The following EMC8 variants were observed in gnomAD, a reference collection of about 807,000 sequenced individuals.
EMC8 encodes COX4 neighbor.
EMC8 carries 11 observed loss-of-function variants against 24.3 expected under a neutral mutation model. The observed-to-expected ratio is 0.45, with a 90% CI of 0.28 to 0.75. EMC8 has a LOEUF of 0.75. Ranked by LOEUF, EMC8 falls within the 30% of genes least tolerant of loss-of-function variation. The pLI, the probability that EMC8 is intolerant of heterozygous loss-of-function variation, is 0.12. For missense variants in EMC8, 277 were observed against 282.7 expected (o/e 0.98, Z 0.14); for synonymous variants, 145 against 117.7 (o/e 1.23, Z -1.50).
In EMC8 at chr16:85,799,487, C is replaced by T. The variant is rs1009822257; in HGVS notation, c.-192G>A. On this transcript the variant is annotated 5_prime_UTR_variant, in exon 1 of 5. Coordinates refer to ENST00000253457, the MANE Select transcript of EMC8 (RefSeq NM_006067.5). The surrounding 1 kb of genome is among the most constrained non-coding windows in gnomAD (Gnocchi z 4.2). ...GCTCCTGGAAAAGCGACTCGCGCCT[C>T]TGGGAAGCCGCAGCCCCAGACTCCA... The T allele has an allele frequency of 2.5e-6, 1 of 400,984 alleles. No individual in the cohort carries two copies. 24.8% of individuals were successfully genotyped at this position (400,984 alleles called of 1,614,324 possible).
chr16:85,798,957 G>A lies in EMC8; in HGVS notation c.231+108C>T, dbSNP rs576079415. 64 of 728,900 alleles carry A rather than the reference G, an allele frequency of 8.8e-5. No homozygotes were observed. The African/African-American group carries it at 1.0e-3, about 11-fold the overall frequency. 45.2% of individuals were successfully genotyped at this position (728,900 alleles called of 1,614,324 possible). A position where few individuals can be genotyped will look rare whatever the true frequency, so the allele number is the denominator to read the frequency against. ...TTCCTGGCCACGGCAACCCTAGGGA[G>A]CGGGTCCTAGGAGCCTGCTGGAGGG... On this transcript the variant is annotated intron_variant, in intron 1 of 4. Coordinates refer to ENST00000253457, the MANE Select transcript of EMC8 (RefSeq NM_006067.5).
In EMC8 at chr16:85,779,138, G is replaced by C. The variant is rs1439239246; in HGVS notation, c.*570C>G. The C allele has an allele frequency of 1.3e-5, 2 of 152,292 alleles. No individual in the cohort carries two copies. Among genetic ancestry groups the C allele is most frequent in the Non-Finnish European group, 2.9e-5 (2 of 68,182 alleles). The allele number at this position is 152,292 out of a possible 1,614,324, so 9.4% of individuals were successfully genotyped here. The stretch of plus-strand genomic sequence containing the variant: ...CGCTGGGCAGAGTTGCGGTGGCTCT[G>C]TGAGCCGACACCATGTGGAGCAGTG... On this transcript the variant is annotated 3_prime_UTR_variant, in exon 5 of 5. Coordinates refer to ENST00000253457, the MANE Select transcript of EMC8 (RefSeq NM_006067.5).
At chr16:85,783,625 A>G (rs1189612000) in intron 2 of EMC8, among the ~76,000 whole-genome samples, 2 of 152,228 alleles carry the variant, frequency 1.3e-5, no homozygotes, top group Non-Finnish European at 2.9e-5. Context: ...GGCCTTCGTT[A>G]CGGTGAACTG....
chr16:85,790,740 T>C (rs147639141), intron 1 of EMC8, among the ~76,000 whole-genome samples: 39 of 152,312 alleles, frequency 2.6e-4, no homozygotes, highest in African/African-American at 8.7e-4. Context: ...TGCTCTCCAG[T>C]GTAGCCTGCC....
intron 2 of EMC8, chr16:85,788,751 T>G: frequency 1.8e-6 from 1 of 564,466 alleles, no homozygotes; most frequent in Non-Finnish European, 3.1e-6. Flanking sequence ...TCATGCAAAA[T>G]AAAGAAGACA....
chr16:85,779,631 T>C lies in EMC8; in HGVS notation c.*77A>G. The stretch of plus-strand genomic sequence containing the variant: ...AGCTTTCCACACAGGCTACAAGATA[T>C]TTTATTTACATTTAAAAATAGGTTT... On this transcript the variant is annotated 3_prime_UTR_variant, in exon 5 of 5. Transcript: ENST00000253457. 6.8e-7 allele frequency: 1 copy of C among 1,477,172 alleles called. No individual in the cohort carries two copies. The highest frequency in any genetic ancestry group is 9.4e-7 in the Non-Finnish European group (1 of 1,062,198). The allele number at this position is 1,477,172 out of a possible 1,614,324, so 91.5% of individuals were successfully genotyped here.
At chr16:85,789,324 G>A (rs1167058394) in intron 1 of EMC8, among the ~76,000 whole-genome samples, 1 of 152,118 alleles carries the variant, frequency 6.6e-6, no homozygotes, top group Non-Finnish European at 1.5e-5. Context: ...AGAGTCAGAG[G>A]GAAGATGACC....
intron 1 of EMC8, among the ~76,000 whole-genome samples, chr16:85,793,953 GA>G (rs1182937296): frequency 6.6e-6 from 1 of 151,784 alleles, no homozygotes; most frequent in Non-Finnish European, 1.5e-5. Flanking sequence ...CAAATGCAAG[GA>G]TTTTTTTAAT....
chr16:85,778,915 G>C lies in EMC8; in HGVS notation c.*793C>G, dbSNP rs1363000751. 2.0e-5 allele frequency: 3 copies of C among 152,222 alleles called. No individual in the cohort carries two copies. The highest frequency in any genetic ancestry group is 7.2e-5 in the African/African-American group (3 of 41,458). 9.4% of individuals were successfully genotyped at this position (152,222 alleles called of 1,614,324 possible). A position where few individuals can be genotyped will look rare whatever the true frequency, so the allele number is the denominator to read the frequency against. Reference sequence around the variant, plus strand: ...AAATGTTCTAAGTATAAAAAGTACAGACGTCACTCTGCACAACTCGGGAAG... The same window carrying C: ...AAATGTTCTAAGTATAAAAAGTACACACGTCACTCTGCACAACTCGGGAAG... On this transcript the variant is annotated 3_prime_UTR_variant, in exon 5 of 5. Transcript: ENST00000253457.
intron 1 of EMC8, among the ~76,000 whole-genome samples, chr16:85,795,333 C>T (rs1415490783): frequency 6.6e-6 from 1 of 152,186 alleles, no homozygotes. Flanking sequence ...ACTCCTCCTC[C>T]ACTCAACCCA....
rs1905483616 is a variant in EMC8 at position 85,799,469 on chromosome 16, G to A, written c.-174C>T. The stretch of plus-strand genomic sequence containing the variant: ...GGCCCCGTTTGGGCCTCGGCTCCTG[G>A]AAAAGCGACTCGCGCCTCTGGGAAG... On this transcript the variant is annotated 5_prime_UTR_variant, in exon 1 of 5. Coordinates refer to ENST00000253457, the MANE Select transcript of EMC8 (RefSeq NM_006067.5). The surrounding 1 kb of genome is among the most constrained non-coding windows in gnomAD (Gnocchi z 4.2). 1 of 381,886 alleles carries A rather than the reference G, an allele frequency of 2.6e-6. No individual in the cohort carries two copies. Among genetic ancestry groups the A allele is most frequent in the Non-Finnish European group, 4.6e-6 (1 of 218,842 alleles). The allele number at this position is 381,886 out of a possible 1,614,324, so 23.7% of individuals were successfully genotyped here.
At chr16:85,785,648 T>C (rs550015298) in intron 2 of EMC8, among the ~76,000 whole-genome samples, 3 of 152,328 alleles carry the variant, frequency 2.0e-5, no homozygotes, top group African/African-American at 7.2e-5. Flanking sequence ...CAACTTTGCA[T>C]TTCTCTGTCT....
intron 2 of EMC8, among the ~76,000 whole-genome samples, chr16:85,783,804 A>G (rs1362217680): frequency 6.6e-6 from 1 of 152,070 alleles, no homozygotes; most frequent in Admixed American, 6.6e-5. Context: ...TGCCCAGAAG[A>G]CATGCCACCC....
chr16:85,788,652 C>A (rs1904864564), intron 2 of EMC8, among the ~76,000 whole-genome samples: 1 of 152,180 alleles, frequency 6.6e-6, no homozygotes, highest in African/African-American at 2.4e-5. Flanking sequence ...TGCCCAACAC[C>A]ACCCCTAGTC....
intron 1 of EMC8, among the ~76,000 whole-genome samples, chr16:85,798,114 G>GTTTTTTTTTTTTTTTTTTTTTTTTTTT (rs1163747067): frequency 2.8e-5 from 2 of 72,152 alleles, no homozygotes; most frequent in African/African-American, 6.0e-5. Flanking sequence ...ACAGAAATTC[G>GTTTTTTTTTTTTTTTTTTTTTTTTTTT]TTTTTTTTTT....
chr16:85,779,702 G>A lies in EMC8; in HGVS notation c.*6C>T, dbSNP rs1904398705. 13 of 1,613,820 alleles carry A rather than the reference G, an allele frequency of 8.1e-6. No homozygotes were observed. The highest frequency in any genetic ancestry group is 1.0e-5 in the Non-Finnish European group (12 of 1,179,696). On this transcript the variant is annotated 3_prime_UTR_variant, in exon 5 of 5. Transcript: ENST00000253457. Reference sequence around the variant, plus strand: ...AGGCCCGGAGCCCAGTCACAGCGGTGCCTGCCTAGCACAAGTGTAGGACAG... The same window carrying A: ...AGGCCCGGAGCCCAGTCACAGCGGTACCTGCCTAGCACAAGTGTAGGACAG...
intron 2 of EMC8, among the ~76,000 whole-genome samples, chr16:85,782,920 G>A (rs1473025842): frequency 6.6e-6 from 1 of 152,030 alleles, no homozygotes; most frequent in African/African-American, 2.4e-5. Flanking sequence ...ATTTCCTTCA[G>A]TCTCTCACCT....
chr16:85,793,295 G>C (rs930508102), intron 1 of EMC8, among the ~76,000 whole-genome samples: 2 of 152,214 alleles, frequency 1.3e-5, no homozygotes, highest in African/African-American at 4.8e-5. Context: ...ACAAGATGAG[G>C]GTAACCTGCT....
intron 2 of EMC8, among the ~76,000 whole-genome samples, chr16:85,785,250 A>C (rs1425811144): frequency 6.6e-6 from 1 of 152,172 alleles, no homozygotes; most frequent in Non-Finnish European, 1.5e-5. Flanking sequence ...GCTGGCCTAA[A>C]ATTTATTATT....
Sources: gnomAD v4.1 joint callset for allele counts (sites outside exome capture counted in the v4.1 genomes callset) on GRCh38, gnomAD v4.1.1 for gene constraint, Gnocchi (gnomAD v3.1) non-coding constraint, MANE v1.5 for transcripts, NCBI Gene and HGNC (gene_info 2026-07-23, HGNC 2026-07-21) for gene names.